Variants in ANHX observed in about 807,000 individuals in gnomAD.
The protein encoded by ANHX is anomalous homeobox, also known as anomalous homeobox protein.
In ANHX, 20 loss-of-function variants were observed where a neutral mutation model predicts 38.9. That is an observed-to-expected ratio of 0.51 (90% CI 0.36 to 0.75). The LOEUF (loss-of-function observed/expected upper bound fraction) is 0.75. Ranked by LOEUF, ANHX falls within the 30% of genes least tolerant of loss-of-function variation. The pLI is 0.00. For synonymous variants in ANHX, 185 were observed against 203.1 expected (o/e 0.91, Z 0.76); for missense variants, 475 against 493.1 (o/e 0.96, Z 0.35).
Position 133,221,060 on chromosome 12 carries a change from T to C in ANHX, c.1280+145A>G, listed in dbSNP as rs930729148. 16 of 1,105,118 alleles carry C rather than the reference T, an allele frequency of 1.4e-5. No homozygotes were observed. The highest frequency in any genetic ancestry group is 3.0e-5 in the Admixed American group (1 of 32,974). The allele number at this position is 1,105,118 out of a possible 1,614,324, so 68.5% of individuals were successfully genotyped here. ...TACCCTTTTCTTCATAGGTGTAGGCTTGTGGGGACTGTTACAGTTTTCAGC... is the reference window on the plus strand; with the variant it reads ...TACCCTTTTCTTCATAGGTGTAGGCCTGTGGGGACTGTTACAGTTTTCAGC... On this transcript the variant is annotated intron_variant, in intron 8 of 9. Coordinates refer to ENST00000545940, the MANE Select transcript of ANHX (RefSeq NM_001372060.1). The surrounding 1 kb of genome is among the most constrained non-coding windows in gnomAD (Gnocchi z 4.1).
Position 133,221,401 on chromosome 12 carries a change from G to C in ANHX, c.1133-49C>G. ...CACACTGGCAGGAGAAAGGAGCAGA[G>C]CCCACGTGTGACACAACCAAGACCT... On this transcript the variant is annotated intron_variant, in intron 7 of 9. Transcript: ENST00000545940. The surrounding 1 kb of genome is among the most constrained non-coding windows in gnomAD (Gnocchi z 4.1). 2.0e-6 allele frequency: 3 copies of C among 1,501,694 alleles called. No homozygotes were observed. Among genetic ancestry groups the C allele is most frequent in the Non-Finnish European group, 2.7e-6 (3 of 1,128,182 alleles). The allele number at this position is 1,501,694 out of a possible 1,614,324, so 93.0% of individuals were successfully genotyped here. A position where few individuals can be genotyped will look rare whatever the true frequency, so the allele number is the denominator to read the frequency against.
Position 133,226,415 on chromosome 12 carries a change from G to A in ANHX, c.742C>T (p.Pro248Ser), listed in dbSNP as rs1014468106. 7.8e-6 allele frequency: 12 copies of A among 1,535,388 alleles called. No individual in the cohort carries two copies. In the African/African-American group the frequency reaches 1.4e-4, roughly 18 times the overall value. The change falls in exon 6 of 10, where the codon CCA (proline) becomes TCA (serine). Residue 248 changes from proline to serine, a missense_variant. Transcript: ENST00000545940. ...CCTTGGGTGGTCTGTGGGGACTGTG[G>A]AGGCCCCTTTTCCTCACGTTCCTCT... Reference protein sequence around the residue: ...WSEEREEKGPPQSPQTTQGPW... With the variant: ...WSEEREEKGPSQSPQTTQGPW...
At chr12:133,224,319 G>GA (rs1009966552) in intron 7 of ANHX, among the ~76,000 whole-genome samples, 42 of 151,842 alleles carry the variant, frequency 2.8e-4, no homozygotes, top group African/African-American at 9.9e-4. Flanking sequence ...GCTCCAAGAA[G>GA]AAAAAAAAGC....
chr12:133,233,306 A>G (rs1170314373), intron 2 of ANHX, among the ~76,000 whole-genome samples: 2 of 152,160 alleles, frequency 1.3e-5, no homozygotes, highest in African/African-American at 4.8e-5. Flanking sequence ...GAACAGGTGG[A>G]GGGGACAGGA....
intron 6 of ANHX, 114 bp downstream of exon 6, chr12:133,226,204 T>C: frequency 6.7e-7 from 1 of 1,490,228 alleles, no homozygotes; most frequent in Non-Finnish European, 9.0e-7. Flanking sequence ...TCTGACCTGA[T>C]CCCAGTGTGG....
At chr12:133,219,409 G>T in intron 8 of ANHX, 42 bp from the exon 9 acceptor site, 1 of 1,365,302 alleles carries the variant, frequency 7.3e-7, no homozygotes, top group Non-Finnish European at 9.8e-7. Context: ...ATCTCAAGGG[G>T]ACACTGGGGT....
At chr12:133,232,598 T>C (rs944889868) in intron 2 of ANHX, among the ~76,000 whole-genome samples, 1 of 152,188 alleles carries the variant, frequency 6.6e-6, no homozygotes, top group Non-Finnish European at 1.5e-5. Context: ...CCACCCGTTC[T>C]TGATGTGGTG....
intron 2 of ANHX, among the ~76,000 whole-genome samples, chr12:133,232,927 A>T (rs1372017464): frequency 6.6e-6 from 1 of 151,992 alleles, no homozygotes; most frequent in African/African-American, 2.4e-5. Flanking sequence ...TTGACAAACA[A>T]CCTTCTAGTT....
intron 2 of ANHX, among the ~76,000 whole-genome samples, chr12:133,233,512 C>G (rs1027169832): frequency 2.0e-5 from 3 of 152,146 alleles, no homozygotes; most frequent in African/African-American, 7.2e-5. Context: ...ACGCAGGCAT[C>G]CAGCACACGA....
rs576849984 is a variant in ANHX, at chr12:133,232,186, G to A, written c.250-542C>T. 2.0e-5 allele frequency among the ~76,000 whole-genome samples: 3 copies of A among 152,310 alleles called. No individual in the cohort carries two copies. In the East Asian group the frequency reaches 5.8e-4, roughly 30 times the overall value. On this transcript the variant is annotated intron_variant, in intron 2 of 9. Coordinates refer to ENST00000545940, the MANE Select transcript of ANHX (RefSeq NM_001372060.1). ...CCCTCAGGTACTCGGCACAATCTAA[G>A]GTGAGGGGGATGAAGGGGTCCCTGT...
rs1253061219 is a variant in ANHX, at chr12:133,235,783, CCCCCCTGCCCG to C, written c.-23+13_-23+23del. ...CCCGCGCGTCCCTCATCCTCCCGGACCCCCCTGCCCGCGCGCCCCTCACCCTCCGGGACCCG... is the reference window on the plus strand; with the variant it reads ...CCCGCGCGTCCCTCATCCTCCCGGACCGCGCCCCTCACCCTCCGGGACCCG... On this transcript the variant is annotated intron_variant, in intron 1 of 9. Coordinates refer to ENST00000545940, the MANE Select transcript of ANHX (RefSeq NM_001372060.1). 1 of 140,900 alleles carries C rather than the reference CCCCCCTGCCCG, an allele frequency of 7.1e-6. No individual in the cohort carries two copies. Among genetic ancestry groups the C allele is most frequent in the African/African-American group, 2.7e-5 (1 of 36,832 alleles). 8.7% of individuals were successfully genotyped at this position (140,900 alleles called of 1,614,324 possible).
chr12:133,230,626 A>C (rs775647261), intron 3 of ANHX, among the ~76,000 whole-genome samples: 4 of 152,118 alleles, frequency 2.6e-5, no homozygotes, highest in Non-Finnish European at 5.9e-5. Context: ...AAAATTAAAA[A>C]TTAGCTGGGC....
chr12:133,229,517 C>G (rs1957237387), intron 3 of ANHX, among the ~76,000 whole-genome samples: 1 of 152,136 alleles, frequency 6.6e-6, no homozygotes, highest in South Asian at 2.1e-4. Context: ...TTAGCCCTCT[C>G]TTTACCTCCT....
intron 7 of ANHX, among the ~76,000 whole-genome samples, chr12:133,225,138 G>A (rs146380411): frequency 0.66 from 100,085 of 151,720 alleles, 33,292 homozygotes; most frequent in East Asian, 0.76. Flanking sequence ...TAACTTAGAA[G>A]CTAAAATCAT....
chr12:133,224,832 T>C (rs1473044900), intron 7 of ANHX, among the ~76,000 whole-genome samples: 10 of 150,280 alleles, frequency 6.7e-5, no homozygotes, highest in Non-Finnish European at 1.5e-4. Context: ...CCAGGCGTGG[T>C]GGCGGGCGCC....
At position 133,231,502 on chromosome 12, in the gene ANHX, A is replaced by T. The variant is rs1224216008; in HGVS notation, c.377+15T>A. ...ATCCCCATGAAATATGCACAAGTAA[A>T]TGCTTGTAGGTTACCTCTTCCTGCA... On this transcript the variant is annotated intron_variant, in intron 3 of 9. Transcript: ENST00000545940. The T allele has an allele frequency of 1.2e-5, 19 of 1,536,082 alleles. No individual in the cohort carries two copies. The highest frequency in any genetic ancestry group is 1.7e-5 in the Non-Finnish European group (19 of 1,146,870).
At chr12:133,230,081 GCA>G (rs1223457045) in intron 3 of ANHX, among the ~76,000 whole-genome samples, 2 of 152,182 alleles carry the variant, frequency 1.3e-5, no homozygotes, top group Non-Finnish European at 2.9e-5. Flanking sequence ...CATATTCTCT[GCA>G]TAGCACTTCT....
chr12:133,232,975 G>A (rs1209664978), intron 2 of ANHX, among the ~76,000 whole-genome samples: 1 of 152,070 alleles, frequency 6.6e-6, no homozygotes, highest in Non-Finnish European at 1.5e-5. Context: ...GTAACGGGGG[G>A]GCAATACTGG....
chr12:133,227,116 G>A lies in ANHX; in HGVS notation c.538C>T (p.Gln180Ter). 6.5e-7 allele frequency: 1 copy of A among 1,535,984 alleles called. No individual in the cohort carries two copies. ...TAATTGGCAAACCAGTTGTACACCT[G>A]CTCAGGGGTCAAGCTCGTCTCCAAT... ...LALETSLTPE[Q>*]VYNWFANYRR... The change falls in exon 5 of 10, where the codon CAG (glutamine) becomes TAG (stop). Residue 180 changes from glutamine to a stop codon, truncating the protein, a stop_gained. Transcript: ENST00000545940. LOFTEE classifies it high-confidence loss of function.
Sources: allele counts gnomAD v4.1 joint callset (sites outside exome capture counted in the v4.1 genomes callset), GRCh38; gene constraint gnomAD v4.1.1; non-coding constraint Gnocchi (gnomAD v3.1); transcripts MANE v1.5; gene names NCBI Gene and HGNC (gene_info 2026-07-23, HGNC 2026-07-21).